Variants in DNAH6 observed in about 807,000 individuals in gnomAD.
DNAH6 encodes the protein dynein axonemal heavy chain 6.
A neutral mutation model predicts 491.4 loss-of-function variants in DNAH6; 340 were observed. The observed-to-expected ratio is 0.69, with a 90% confidence interval of 0.63 to 0.76. The LOEUF (loss-of-function observed/expected upper bound fraction) is 0.76. DNAH6 is among the 30% of genes least tolerant of loss of function. The probability of loss-of-function intolerance (pLI) is 0.00; values close to 1 mark genes in which losing one functional copy is unlikely to be tolerated. For synonymous variants in DNAH6, 1,603 were observed against 1,686.1 expected, an observed-to-expected ratio of 0.95 and a Z score of 1.21; for missense variants, 4,443 against 4,972.2, an observed-to-expected ratio of 0.89 and a Z score of 3.20.
At chr2:84,568,544 C>A (rs1681457580) in intron 11 of DNAH6, among the ~76,000 whole-genome samples, 2 of 152,080 alleles carry the variant, frequency 1.3e-5, no homozygotes, top group African/African-American at 2.4e-5. Context: ...AGGGGAACAA[C>A]ACACACTGGG....
intron 64 of DNAH6, among the ~76,000 whole-genome samples, chr2:84,773,223 C>T (rs1675804600): frequency 6.6e-6 from 1 of 151,978 alleles, no homozygotes; most frequent in South Asian, 2.1e-4. Context: ...CTCTTCCTCC[C>T]CTATCTGGTA....
At chr2:84,740,593 C>G (rs1412669044) in intron 62 of DNAH6, among the ~76,000 whole-genome samples, 1 of 152,144 alleles carries the variant, frequency 6.6e-6, no homozygotes, top group Admixed American at 6.5e-5. Context: ...TGCACTCTCC[C>G]CTCCTTTAGG....
chr2:84,817,303 G>A (rs570924898), intron 76 of DNAH6, among the ~76,000 whole-genome samples: 10 of 152,196 alleles, frequency 6.6e-5, no homozygotes, highest in South Asian at 2.1e-4. Context: ...ATTATCCACC[G>A]TGCATATAAA....
chr2:84,598,169 T>C (rs1174897728), intron 18 of DNAH6, among the ~76,000 whole-genome samples: 2 of 75,746 alleles, frequency 2.6e-5, no homozygotes, highest in East Asian at 4.8e-4. Context: ...CTTTCTTTCT[T>C]TCTTTCTTTC....
rs74867119 is a variant in DNAH6 at position 84,573,296 on chromosome 2, A to G, written c.1804-171A>G. ...TAACAATTTCTTCTTGAATCCATCA[A>G]TTACTCCTCGACATCAAGAATATAT... On this transcript the variant is annotated intron_variant, in intron 11 of 76. Coordinates refer to ENST00000389394, the MANE Select transcript of DNAH6 (RefSeq NM_001370.2). 1.9e-4 allele frequency among the ~76,000 whole-genome samples: 29 copies of G among 152,322 alleles called. No individual in the cohort carries two copies. In the East Asian group the frequency reaches 3.5e-3, roughly 18 times the overall value.
chr2:84,622,143 T>C (rs1024326702), intron 26 of DNAH6, among the ~76,000 whole-genome samples: 1 of 152,178 alleles, frequency 6.6e-6, no homozygotes, highest in African/African-American at 2.4e-5. Flanking sequence ...CCACTCTTTT[T>C]CTATGAATTT....
the DNAH6 span, among the ~76,000 whole-genome samples, chr2:84,486,440 C>A: frequency 6.6e-6 from 1 of 152,192 alleles, no homozygotes; most frequent in Non-Finnish European, 1.5e-5. Context: ...GCCTGCCTGA[C>A]TTCTTCCACC....
At chr2:84,598,152 T>TTTCTTTCTTTCC (rs1684833302) in intron 18 of DNAH6, among the ~76,000 whole-genome samples, 1 of 62,758 alleles carries the variant, frequency 1.6e-5, no homozygotes, top group Non-Finnish European at 3.8e-5. Context: ...TCTTTCTTTC[T>TTTCTTTCTTTCC]TTCTTTCTTT....
In DNAH6 at chr2:84,584,101, A is replaced by T. The variant is rs1172603182; in HGVS notation, c.2332A>T (p.Thr778Ser). 1.2e-6 allele frequency: 2 copies of T among 1,614,196 alleles called. No individual in the cohort carries two copies. The highest frequency in any genetic ancestry group is 1.7e-6 in the Non-Finnish European group (2 of 1,180,030). ...TPPEDFAVFATMKPSIVAVRN... is the reference protein window; with the variant it reads ...TPPEDFAVFASMKPSIVAVRN... ...TCCTGAAGACTTTGCTGTTTTTGCAACTATGAAGCCATCCATTGTTGCTGT... is the reference window on the plus strand; with the variant it reads ...TCCTGAAGACTTTGCTGTTTTTGCATCTATGAAGCCATCCATTGTTGCTGT... Residue 778 changes from threonine (T) to serine (S), a missense_variant, in exon 15 of 77, where the codon ACT becomes TCT. This residue lies in a region of DNAH6 where 2,977 missense variants were observed against 3,296.6 expected (regional missense o/e 0.90). Transcript: ENST00000389394.
intron 62 of DNAH6, among the ~76,000 whole-genome samples, chr2:84,735,482 A>G (rs1048158251): frequency 1.3e-5 from 2 of 152,238 alleles, no homozygotes; most frequent in African/African-American, 4.8e-5. Flanking sequence ...TGCTTTTCAC[A>G]GAGGCTGAAC....
intron 11 of DNAH6, among the ~76,000 whole-genome samples, chr2:84,560,828 A>G (rs1322917844): frequency 2.0e-5 from 3 of 152,062 alleles, no homozygotes; most frequent in African/African-American, 7.2e-5. Flanking sequence ...CATGGTGTAT[A>G]TGTGCCACAT....
At chr2:84,499,866 A>AT in the DNAH6 span, among the ~76,000 whole-genome samples, 1 of 139,794 alleles carries the variant, frequency 7.2e-6, no homozygotes, top group Non-Finnish European at 1.5e-5. Context: ...CCTTTTGCCC[A>AT]TTTTTTTGAT....
chr2:84,694,394 G>T lies in DNAH6; in HGVS notation c.7438G>T (p.Asp2480Tyr), dbSNP rs1423338412. 1.9e-6 allele frequency: 3 copies of T among 1,552,236 alleles called. No individual in the cohort carries two copies. The African/African-American group carries it at 4.1e-5, about 21-fold the overall frequency. The change falls in exon 46 of 77, where the codon GAT becomes TAT. Residue 2480 changes from aspartate (D) to tyrosine (Y), a missense_variant. Physicochemically the swap from Asp to Tyr is radical, Grantham distance 160. Around this residue, in one of 3 missense-constraint regions of DNAH6, gnomAD observed 2,977 missense variants for 3,296.6 expected, o/e 0.90. Coordinates refer to ENST00000389394, the MANE Select transcript of DNAH6 (RefSeq NM_001370.2). The stretch of plus-strand genomic sequence containing the variant: ...TGAACTCAGCCGGGGATATAATTAT[G>T]ATAGTTTTCATGAAGACCTGAGGAA... ...QIELSRGYNY[D>Y]SFHEDLRKLY...
chr2:84,706,779 G>C (rs1416053571), intron 52 of DNAH6, 117 bp from the exon 53 acceptor site: 3 of 1,213,332 alleles, frequency 2.5e-6, no homozygotes, highest in East Asian at 2.9e-5. Flanking sequence ...TCACATCAAA[G>C]TCTTTTTGGA....
In DNAH6 at chr2:84,697,249, T is replaced by C. The variant is rs538231876; in HGVS notation, c.7525-326T>C. Among the ~76,000 whole-genome samples the C allele has an allele frequency of 2.0e-5, 3 of 152,358 alleles. No individual in the cohort carries two copies. In the South Asian group the frequency reaches 6.2e-4, roughly 32 times the overall value. On this transcript the variant is annotated intron_variant, in intron 46 of 76. Transcript: ENST00000389394. ...AGCTCAATGGTGCATTCTGCTTCTATATTTTTGATAAATATGATGAGTACA... is the reference window on the plus strand; with the variant it reads ...AGCTCAATGGTGCATTCTGCTTCTACATTTTTGATAAATATGATGAGTACA...
intron 31 of DNAH6, among the ~76,000 whole-genome samples, chr2:84,638,019 C>T (rs915745002): frequency 1.3e-5 from 2 of 151,944 alleles, no homozygotes; most frequent in African/African-American, 4.8e-5. Context: ...CGCTTGAGTC[C>T]AGGAGTTAGA....
chr2:84,491,198 T>C, the DNAH6 span, among the ~76,000 whole-genome samples: 1 of 152,204 alleles, frequency 6.6e-6, no homozygotes, highest in Admixed American at 6.5e-5. Context: ...GCCAAACTGT[T>C]TTTCAAAGTG....
intron 68 of DNAH6, among the ~76,000 whole-genome samples, chr2:84,793,792 G>C (rs561105242): frequency 6.6e-6 from 1 of 152,294 alleles, no homozygotes; most frequent in South Asian, 2.1e-4. Context: ...AGACTGACAA[G>C]AGTTACTCCA....
At chr2:84,511,998 T>G (rs1675351451), upstream of DNAH6, among the ~76,000 whole-genome samples, 2 of 152,186 alleles carry the variant, frequency 1.3e-5, no homozygotes, top group East Asian at 3.9e-4. Context: ...TATTGAGACT[T>G]GTTTTGTGAC....
Sources: allele counts gnomAD v4.1 joint callset (sites outside exome capture counted in the v4.1 genomes callset), GRCh38; gene constraint gnomAD v4.1.1; regional missense constraint gnomAD v4.1.1; transcripts MANE v1.5; gene names NCBI Gene and HGNC (gene_info 2026-07-23, HGNC 2026-07-21).